SLC38A8: variants seen among roughly 807,000 people sequenced by gnomAD.
The protein encoded by SLC38A8 is amino acid transporter SLC38A8.
Under a neutral mutation model 46.0 loss-of-function variants are expected in SLC38A8, and 65 were observed. The ratio of observed to expected loss-of-function variants is 1.41; its 90% CI spans 1.16 to 1.74. The LOEUF (loss-of-function observed/expected upper bound fraction) is 1.74, where lower values mean the gene tolerates loss of function less well. Ranked by LOEUF, SLC38A8 falls within the 40% of genes most tolerant of loss-of-function variation. The probability of loss-of-function intolerance (pLI) is 0.00; values close to 1 mark genes in which losing one functional copy is unlikely to be tolerated. For missense variants in SLC38A8, 998 were observed against 567.9 expected (o/e 1.76, Z -7.70); for synonymous variants, 447 against 243.7 (o/e 1.83, Z -7.77).
chr16:84,027,891 C>A (rs2151121913), intron 6 of SLC38A8, among the ~76,000 whole-genome samples: 2 of 152,272 alleles, frequency 1.3e-5, no homozygotes, highest in Non-Finnish European at 2.9e-5. Flanking sequence ...TAAACTCAGT[C>A]CAGACAAACA....
chr16:84,026,171 TG>T (rs1324548819), intron 6 of SLC38A8, among the ~76,000 whole-genome samples: 1 of 152,250 alleles, frequency 6.6e-6, no homozygotes, highest in Non-Finnish European at 1.5e-5. Flanking sequence ...GACAGGTTGG[TG>T]GGCAGGAGGG....
chr16:84,029,489 A>T lies in SLC38A8; in HGVS notation c.690+5T>A. 2 of 1,614,014 alleles carry T rather than the reference A, an allele frequency of 1.2e-6. No individual in the cohort carries two copies. Among genetic ancestry groups the T allele is most frequent in the Non-Finnish European group, 8.5e-7 (1 of 1,179,948 alleles). On this transcript the variant is annotated splice_donor_5th_base_variant and intron_variant, in intron 6 of 10. Coordinates refer to ENST00000299709, the MANE Select transcript of SLC38A8 (RefSeq NM_001080442.3). ...CACAGGCTGCAACACAGATGCTAAA[A>T]TTACCTGAAACCCGAAGCAGATGGT... is the stretch of plus-strand genomic sequence containing the variant.
chr16:84,042,260 T>A, intron 1 of SLC38A8, 101 bp from the exon 2 acceptor site: 1 of 1,320,372 alleles, frequency 7.6e-7, no homozygotes, highest in Non-Finnish European at 1.0e-6. Flanking sequence ...GAGAGCTCCC[T>A]GAGCCGCTCC....
chr16:84,030,678 C>G (rs749713629), intron 5 of SLC38A8, among the ~76,000 whole-genome samples: 22 of 152,200 alleles, frequency 1.4e-4, no homozygotes, highest in Non-Finnish European at 2.8e-4. Context: ...CCTTGACTTT[C>G]TTCTCTCTCT....
intron 9 of SLC38A8, among the ~76,000 whole-genome samples, chr16:84,015,271 C>G (rs1226422350): frequency 1.3e-5 from 2 of 152,084 alleles, no homozygotes; most frequent in South Asian, 2.1e-4. Context: ...TACAGTGTAC[C>G]CTTTTCCACT....
At chr16:84,041,039 G>A (rs188785890) in intron 2 of SLC38A8, 54 of 152,390 alleles carry the variant, frequency 3.5e-4, no homozygotes, top group African/African-American at 1.3e-3. Flanking sequence ...CGTAAGACGT[G>A]TGAGAAAAAG....
chr16:84,033,208 T>A (rs1020408418), intron 4 of SLC38A8, 120 bp downstream of exon 4: 3 of 1,395,372 alleles, frequency 2.1e-6, no homozygotes, highest in Admixed American at 4.3e-5. Context: ...TTTTTTCGTT[T>A]TCCCCTTCTC....
chr16:84,015,745 G>A (rs544014332), intron 9 of SLC38A8, among the ~76,000 whole-genome samples: 11 of 152,250 alleles, frequency 7.2e-5, no homozygotes, highest in Admixed American at 3.3e-4. Context: ...CACTCTTGTC[G>A]CCCAGGCTAG....
At chr16:84,031,509 C>T (rs888462778) in intron 5 of SLC38A8, among the ~76,000 whole-genome samples, 1 of 152,348 alleles carries the variant, frequency 6.6e-6, no homozygotes. Flanking sequence ...GGCTTGGCCA[C>T]ACCGGCCTCC....
chr16:84,024,753 G>A (rs544794100), intron 6 of SLC38A8, among the ~76,000 whole-genome samples: 118 of 152,190 alleles, frequency 7.8e-4, no homozygotes, highest in Non-Finnish European at 1.2e-3. Flanking sequence ...GAAGTGGCGC[G>A]AACTTGGCTC....
intron 7 of SLC38A8, among the ~76,000 whole-genome samples, chr16:84,019,101 G>A (rs959811141): frequency 2.7e-5 from 4 of 150,756 alleles, no homozygotes; most frequent in Admixed American, 6.6e-5. Flanking sequence ...TTTTTTTTGA[G>A]ATGGAGTCTG....
intron 5 of SLC38A8, among the ~76,000 whole-genome samples, chr16:84,031,513 G>A (rs375958976): frequency 2.6e-5 from 4 of 152,150 alleles, no homozygotes; most frequent in South Asian, 2.1e-4. Context: ...TGGCCACACC[G>A]GCCTCCTCAC....
chr16:84,032,230 C>G (rs140500797), intron 4 of SLC38A8, among the ~76,000 whole-genome samples: 8,271 of 152,206 alleles, frequency 0.054, 312 homozygotes, highest in Non-Finnish European at 0.075. Flanking sequence ...GCTCTGTTGC[C>G]CAGGCTGGAG....
In SLC38A8 at chr16:84,022,758, C is replaced by T. The variant is rs1346657922; in HGVS notation, c.805+17G>A. 1.9e-6 allele frequency: 3 copies of T among 1,606,534 alleles called. No individual in the cohort carries two copies. Among genetic ancestry groups the T allele is most frequent in the African/African-American group, 2.7e-5 (2 of 74,766 alleles). ...TCACTCCCCACCCTCTGCAGGGGTG[C>T]CTGGGAAGGGCCTTACCCGTCAGTG... On this transcript the variant is annotated intron_variant, in intron 7 of 10. Transcript: ENST00000299709.
chr16:84,017,960 G>A (rs1163059346), intron 7 of SLC38A8, among the ~76,000 whole-genome samples: 1 of 152,184 alleles, frequency 6.6e-6, no homozygotes, highest in Non-Finnish European at 1.5e-5. Context: ...AGACTGATGG[G>A]ACCTCCTCTG....
rs577466040 is a variant in SLC38A8, at chr16:84,039,548, C to T, written c.189+2421G>A. On this transcript the variant is annotated intron_variant, in intron 2 of 10. Coordinates refer to ENST00000299709, the MANE Select transcript of SLC38A8 (RefSeq NM_001080442.3). ...TCACCTGAGGTCAGGAGATCGAGACCATCCTGGCCAACACAGTGAAACCCC... is the reference window on the plus strand; with the variant it reads ...TCACCTGAGGTCAGGAGATCGAGACTATCCTGGCCAACACAGTGAAACCCC... 3.3e-5 allele frequency among the ~76,000 whole-genome samples: 5 copies of T among 152,152 alleles called. No homozygotes were observed. The South Asian group carries it at 1.0e-3, about 32-fold the overall frequency.
intron 9 of SLC38A8, among the ~76,000 whole-genome samples, chr16:84,014,146 G>C (rs554515295): frequency 6.6e-5 from 10 of 151,770 alleles, no homozygotes; most frequent in African/African-American, 2.4e-4. Flanking sequence ...GCCTGAGGGA[G>C]GAGCTATGTG....
At chr16:84,040,405 A>T (rs2085354586) in intron 2 of SLC38A8, among the ~76,000 whole-genome samples, 4 of 152,196 alleles carry the variant, frequency 2.6e-5, no homozygotes, top group Admixed American at 2.6e-4. Context: ...CCCCAGAAGC[A>T]AGTCACAAAT....
intron 6 of SLC38A8, among the ~76,000 whole-genome samples, chr16:84,025,569 G>A (rs1227180184): frequency 6.6e-6 from 1 of 152,136 alleles, no homozygotes; most frequent in African/African-American, 2.4e-5. Flanking sequence ...CAGGATCGGA[G>A]CCTGCACCGA....
Sources: allele counts gnomAD v4.1 joint callset (sites outside exome capture counted in the v4.1 genomes callset), GRCh38; gene constraint gnomAD v4.1.1; transcripts MANE v1.5; gene names NCBI Gene and HGNC (gene_info 2026-07-23, HGNC 2026-07-21).